Variants in BBS2 observed in about 807,000 individuals in gnomAD.
BBS2 encodes the protein BBSome complex member BBS2.
A neutral mutation model predicts 83.0 loss-of-function variants in BBS2; 62 were observed. That is an observed-to-expected ratio of 0.75 (90% CI 0.61 to 0.92). The LOEUF is 0.92. Ranked by LOEUF, BBS2 falls within the 40% of genes least tolerant of loss-of-function variation. BBS2 has a pLI of 0.00. For missense variants in BBS2, 784 were observed against 901.0 expected, an observed-to-expected ratio of 0.87 and a Z score of 1.66; for synonymous variants, 303 against 326.1, an observed-to-expected ratio of 0.93 and a Z score of 0.76.
intron 17 of BBS2, chr16:56,478,856 C>A (rs1435977838): frequency 6.6e-6 from 1 of 152,190 alleles, no homozygotes; most frequent in Non-Finnish European, 1.5e-5. Flanking sequence ...CTGTCAGTTA[C>A]ATCATCTACA....
chr16:56,482,315 G>T (rs1963675819), downstream of BBS2, among the ~76,000 whole-genome samples: 1 of 152,018 alleles, frequency 6.6e-6, no homozygotes, highest in Non-Finnish European at 1.5e-5. Flanking sequence ...CTGAAAAGGA[G>T]GTTATTTATG....
chr16:56,510,063 G>A (rs1597023637), intron 4 of BBS2, 29 bp from the exon 5 acceptor site: 1 of 1,605,118 alleles, frequency 6.2e-7, no homozygotes, highest in Admixed American at 1.7e-5. Context: ...ACATGTTCAG[G>A]TGAGTAAGTG....
At chr16:56,475,738 A>T (rs1460447781) in intron 17 of BBS2, among the ~76,000 whole-genome samples, 2 of 152,366 alleles carry the variant, frequency 1.3e-5, no homozygotes, top group East Asian at 3.9e-4. Flanking sequence ...ATGCTAAAGG[A>T]TACTCAGTAA....
At chr16:56,494,514 T>C (rs1215453622) in intron 15 of BBS2, among the ~76,000 whole-genome samples, 2 of 152,132 alleles carry the variant, frequency 1.3e-5, no homozygotes, top group African/African-American at 2.4e-5. Flanking sequence ...TCGAGAGAAA[T>C]GGCTGGTTCC....
chr16:56,477,921 G>A (rs2144076075), intron 17 of BBS2: 1 of 152,172 alleles, frequency 6.6e-6, no homozygotes, highest in South Asian at 2.1e-4. Context: ...TTTAGGTTTA[G>A]TTTCAAAAAG....
chr16:56,498,439 C>A lies in BBS2; in HGVS notation c.1657G>T (p.Glu553Ter). ...TGCCCCGTGATATTAAACATTACCT[C>A]TCCACTAAGTTTTATTTTTATATGC... ...HLHIKIKLSG[E>*]ITINTDDIDL... The change falls in exon 13 of 17, where the codon GAG (glutamate) becomes TAG (stop). Residue 553 changes from glutamate to a stop codon, truncating the protein, a stop_gained and splice_region_variant. Coordinates refer to ENST00000245157, the MANE Select transcript of BBS2 (RefSeq NM_031885.5). LOFTEE classifies it high-confidence loss of function. 1.2e-6 allele frequency: 2 copies of A among 1,613,902 alleles called. No individual in the cohort carries two copies. Among genetic ancestry groups the A allele is most frequent in the South Asian group, 2.2e-5 (2 of 91,068 alleles).
At chr16:56,503,497 T>C (rs1034953512) in intron 7 of BBS2, among the ~76,000 whole-genome samples, 1 of 152,202 alleles carries the variant, frequency 6.6e-6, no homozygotes, top group African/African-American at 2.4e-5. Flanking sequence ...ACATAAAAAC[T>C]ATTCAGATAC....
At chr16:56,488,310 A>G (rs1455698474) in intron 15 of BBS2, among the ~76,000 whole-genome samples, 4 of 152,212 alleles carry the variant, frequency 2.6e-5, no homozygotes, top group Non-Finnish European at 5.9e-5. Context: ...TTAAGGGCTC[A>G]GTCCCACAAG....
chr16:56,498,517 G>A lies in BBS2; in HGVS notation c.1579C>T (p.Gln527Ter). Reference protein sequence around the residue: ...NFLLPEDTHIQNAPFQVCFTS... With the variant: ...NFLLPEDTHI ...AAACACACTTGAAATGGAGCATTCT[G>A]AATGTGAGTGTCTTCTGGTAACAGA... is the stretch of plus-strand genomic sequence containing the variant. Residue 527 changes from glutamine (Q) to a stop codon, truncating the protein, a stop_gained, in exon 13 of 17, where the codon CAG becomes TAG. Transcript: ENST00000245157. LOFTEE classifies it high-confidence loss of function. 1 of 1,614,066 alleles carries A rather than the reference G, an allele frequency of 6.2e-7. No homozygotes were observed. Among genetic ancestry groups the A allele is most frequent in the Non-Finnish European group, 8.5e-7 (1 of 1,180,014 alleles).
chr16:56,506,288 G>T, intron 5 of BBS2, 64 bp from the exon 6 acceptor site: 4 of 1,253,868 alleles, frequency 3.2e-6, no homozygotes, highest in African/African-American at 1.5e-5. Flanking sequence ...GTCAAGTACG[G>T]CTTTATAAGA....
rs2144134877 is a variant in BBS2 at position 56,498,520 on chromosome 16, TGTGA to T, written c.1572_1575del (p.His525PhefsTer21). 1 of 1,614,130 alleles carries T rather than the reference TGTGA, an allele frequency of 6.2e-7. No homozygotes were observed. Among genetic ancestry groups the T allele is most frequent in the Non-Finnish European group, 8.5e-7 (1 of 1,180,010 alleles). On this transcript the variant is annotated frameshift_variant, in exon 13 of 17. Transcript: ENST00000245157. LOFTEE classifies it high-confidence loss of function. The stretch of plus-strand genomic sequence containing the variant: ...CACACTTGAAATGGAGCATTCTGAA[TGTGA>T]GTGTCTTCTGGTAACAGAAAGTTCT...
chr16:56,495,568 A>G (rs755997102), intron 15 of BBS2, among the ~76,000 whole-genome samples: 10 of 152,140 alleles, frequency 6.6e-5, no homozygotes, highest in Non-Finnish European at 7.4e-5. Flanking sequence ...AAAAGATTAA[A>G]CGATTTCCAA....
At chr16:56,501,307 A>G (rs776491354) in intron 10 of BBS2, 46 bp downstream of exon 10, 2 of 1,611,292 alleles carry the variant, frequency 1.2e-6, no homozygotes, top group Non-Finnish European at 1.7e-6. Flanking sequence ...AATGACTCCA[A>G]GATGGCACAG....
chr16:56,503,905 C>T (rs111568939), intron 7 of BBS2, among the ~76,000 whole-genome samples: 46 of 145,200 alleles, frequency 3.2e-4, no homozygotes, highest in Non-Finnish European at 5.5e-4. Context: ...GGTGACAAAG[C>T]GAGACTCCAG....
downstream of BBS2, among the ~76,000 whole-genome samples, chr16:56,480,072 G>A (rs1438421179): frequency 2.0e-5 from 3 of 152,086 alleles, no homozygotes; most frequent in Non-Finnish European, 2.9e-5. Context: ...AATTAGGAAC[G>A]TTTTAACAAA....
chr16:56,500,535 G>C (rs1259662527), intron 11 of BBS2: 1 of 319,444 alleles, frequency 3.1e-6, no homozygotes, highest in Non-Finnish European at 5.9e-6. Flanking sequence ...TGAGGCAGAA[G>C]AATTGCTTGA....
intron 15 of BBS2, among the ~76,000 whole-genome samples, chr16:56,490,475 T>C (rs1305433011): frequency 4.0e-5 from 6 of 151,882 alleles, no homozygotes; most frequent in African/African-American, 1.5e-4. Context: ...CTGGCCAACA[T>C]GGTGAAACCT....
chr16:56,478,692 A>G, intron 17 of BBS2: 1 of 152,222 alleles, frequency 6.6e-6, no homozygotes, highest in Non-Finnish European at 1.5e-5. Flanking sequence ...TCTGAATCTT[A>G]GAATACCTCA....
chr16:56,498,734 C>A (rs1333901548), intron 12 of BBS2, 166 bp from the exon 13 acceptor site: 9 of 1,509,654 alleles, frequency 6.0e-6, no homozygotes, highest in Non-Finnish European at 7.1e-6. Context: ...ATACTTCATC[C>A]CACACCAAGA....
Sources: allele counts gnomAD v4.1 joint callset (sites outside exome capture counted in the v4.1 genomes callset), GRCh38; gene constraint gnomAD v4.1.1; transcripts MANE v1.5; gene names NCBI Gene and HGNC (gene_info 2026-07-23, HGNC 2026-07-21).